Variants in SLC7A5 observed in about 807,000 individuals in gnomAD.
SLC7A5 encodes large neutral amino acids transporter small subunit 1.
SLC7A5 carries 23 observed loss-of-function variants against 50.2 expected under a neutral mutation model. The ratio of observed to expected loss-of-function variants is 0.46; its 90% CI spans 0.33 to 0.65. SLC7A5 has a LOEUF of 0.65. Among genes scored for constraint, SLC7A5 ranks in the 30% least tolerant of loss-of-function variants. SLC7A5 has a pLI of 0.02. For synonymous variants in SLC7A5, 393 were observed against 330.6 expected, an observed-to-expected ratio of 1.19 and a Z score of -2.05; for missense variants, 578 against 684.4, an observed-to-expected ratio of 0.84 and a Z score of 1.73.
At chr16:87,845,271 GC>G (rs2055137167) in intron 2 of SLC7A5, among the ~76,000 whole-genome samples, 1 of 152,246 alleles carries the variant, frequency 6.6e-6, no homozygotes, top group Non-Finnish European at 1.5e-5. Flanking sequence ...CCAGCCGAGT[GC>G]ACAGCCAATG....
At chr16:87,839,560 TC>T in intron 5 of SLC7A5, 141 bp downstream of exon 5, 1 of 1,191,050 alleles carries the variant, frequency 8.4e-7, no homozygotes, top group East Asian at 2.4e-5. Flanking sequence ...ACTCCACCCC[TC>T]CGGGTAGGGG....
At chr16:87,839,679 G>A in intron 5 of SLC7A5, 23 bp downstream of exon 5, 2 of 1,612,716 alleles carry the variant, frequency 1.2e-6, no homozygotes, top group Non-Finnish European at 1.7e-6. Flanking sequence ...GCCCCTGGTG[G>A]AAGCTGGCGG....
chr16:87,863,091 G>C (rs2055419321), intron 1 of SLC7A5, among the ~76,000 whole-genome samples: 2 of 152,234 alleles, frequency 1.3e-5, no homozygotes, highest in Non-Finnish European at 2.9e-5. Flanking sequence ...GGCTACTTCT[G>C]CTTTCAAGGC....
chr16:87,857,845 A>C (rs2055340570), intron 1 of SLC7A5, among the ~76,000 whole-genome samples: 1 of 152,212 alleles, frequency 6.6e-6, no homozygotes, highest in South Asian at 2.1e-4. Flanking sequence ...GGGCTGAGTT[A>C]CGCCCAACCA....
intron 2 of SLC7A5, among the ~76,000 whole-genome samples, chr16:87,845,492 G>A (rs956788274): frequency 7.4e-5 from 6 of 81,506 alleles, no homozygotes; most frequent in Non-Finnish European, 1.4e-4. Context: ...CAGAGTCCAC[G>A]CCCACCCCAG....
At chr16:87,835,881 T>C (rs1195204987) in intron 8 of SLC7A5, among the ~76,000 whole-genome samples, 1 of 152,192 alleles carries the variant, frequency 6.6e-6, no homozygotes, top group African/African-American at 2.4e-5. Flanking sequence ...GTGACAGCCA[T>C]AGGCCAGCTG....
At position 87,869,186 on chromosome 16, in the gene SLC7A5, T is replaced by G; in HGVS notation, c.237A>C (p.Ala79=). 1 of 1,612,418 alleles carries G rather than the reference T, an allele frequency of 6.2e-7. No homozygotes were observed. The highest frequency in any genetic ancestry group is 8.5e-7 in the Non-Finnish European group (1 of 1,179,798). Residue 79 remains alanine, a synonymous_variant, in exon 1 of 10, where the codon GCA becomes GCC. Transcript: ENST00000261622. ...FVTPTGVLKE[A]GSPGLALVVW... is the part of the protein sequence containing the mutation. ...CCACCAGCGCCAGCCCCGGCGAGCCTGCCTCCTTGAGCACGCCCGTGGGCG... is the reference window on the plus strand; with the variant it reads ...CCACCAGCGCCAGCCCCGGCGAGCCGGCCTCCTTGAGCACGCCCGTGGGCG...
chr16:87,856,910 C>T (rs747317348), intron 1 of SLC7A5, among the ~76,000 whole-genome samples: 35 of 152,246 alleles, frequency 2.3e-4, no homozygotes, highest in Non-Finnish European at 3.7e-4. Context: ...GGAGACAACA[C>T]ATCTGCACAG....
At chr16:87,851,926 C>T (rs2055230979) in intron 1 of SLC7A5, 77 bp from the exon 2 acceptor site, 1 of 1,565,326 alleles carries the variant, frequency 6.4e-7, no homozygotes, top group Non-Finnish European at 8.8e-7. Flanking sequence ...AGGTGACGAC[C>T]CCACCCCCAC....
intron 2 of SLC7A5, among the ~76,000 whole-genome samples, chr16:87,845,569 G>A (rs1412603160): frequency 7.9e-6 from 1 of 126,320 alleles, no homozygotes; most frequent in Non-Finnish European, 1.6e-5. Flanking sequence ...CTAGGCCACG[G>A]CGCCGCTTTT....
At position 87,841,012 on chromosome 16, in the gene SLC7A5, G is replaced by A. The variant is rs1156842823; in HGVS notation, c.770+38C>T. ...TTCCTGGACACGTCAGGGACTGTAT[G>A]TCCCCAGACCAAGGGACCCAGACAT... On this transcript the variant is annotated intron_variant, in intron 3 of 9. Transcript: ENST00000261622. The surrounding 1 kb of genome is among the most constrained non-coding windows in gnomAD (Gnocchi z 4.8). 2 of 1,431,656 alleles carry A rather than the reference G, an allele frequency of 1.4e-6. No homozygotes were observed. Among genetic ancestry groups the A allele is most frequent in the South Asian group, 1.1e-5 (1 of 87,420 alleles). 88.7% of individuals were successfully genotyped at this position (1,431,656 alleles called of 1,614,324 possible).
intron 2 of SLC7A5, among the ~76,000 whole-genome samples, 175 bp downstream of exon 2, chr16:87,851,549 C>T (rs536969589): frequency 3.3e-4 from 51 of 152,376 alleles, no homozygotes; most frequent in African/African-American, 1.2e-3. Flanking sequence ...TCCTGTGTCC[C>T]CCTCTGGGTC....
rs1310172205 is a variant in SLC7A5 at position 87,830,246 on chromosome 16, G to C, written c.*2724C>G. ...GACAGGGAGCAGGCATGGCACCTGC[G>C]CCACGCAGAGCAGCAAGGCTGAGCA... is the stretch of plus-strand genomic sequence containing the variant. On this transcript the variant is annotated 3_prime_UTR_variant, in exon 10 of 10. Transcript: ENST00000261622. 2 of 152,366 alleles carry C rather than the reference G, an allele frequency of 1.3e-5. No individual in the cohort carries two copies. The highest frequency in any genetic ancestry group is 1.9e-4 in the East Asian group (1 of 5,184). The allele number at this position is 152,366 out of a possible 1,614,324, so 9.4% of individuals were successfully genotyped here.
In SLC7A5 at chr16:87,854,879, C is replaced by T. The variant is rs577659171; in HGVS notation, c.539-3030G>A. ...TTGGGGGCAGTGCATTGGAGGAACC[C>T]CTGCCCTCCTCCTCCCTTCACCTGT... On this transcript the variant is annotated intron_variant, in intron 1 of 9. Coordinates refer to ENST00000261622, the MANE Select transcript of SLC7A5 (RefSeq NM_003486.7). 1.4e-3 allele frequency among the ~76,000 whole-genome samples: 206 copies of T among 152,332 alleles called. 1 individual carries two copies. Among genetic ancestry groups the T allele is most frequent in the African/African-American group, 4.8e-3 (199 of 41,580 alleles).
intron 2 of SLC7A5, among the ~76,000 whole-genome samples, chr16:87,844,308 C>T (rs1489786378): frequency 6.6e-6 from 1 of 152,228 alleles, no homozygotes; most frequent in Non-Finnish European, 1.5e-5. Context: ...GGCACAGCAG[C>T]CCTGTCAGCA....
chr16:87,863,313 G>A (rs770913143), intron 1 of SLC7A5, among the ~76,000 whole-genome samples: 3 of 152,144 alleles, frequency 2.0e-5, no homozygotes, highest in African/African-American at 4.8e-5. Context: ...TCAGTGCCGG[G>A]CCACAGTGGA....
chr16:87,842,053 C>T (rs987913811), intron 2 of SLC7A5, among the ~76,000 whole-genome samples: 1 of 152,170 alleles, frequency 6.6e-6, no homozygotes, highest in African/African-American at 2.4e-5. Flanking sequence ...GAATATATTG[C>T]CCAGACATCA....
chr16:87,858,338 G>C (rs1323697682), intron 1 of SLC7A5, among the ~76,000 whole-genome samples: 1 of 152,116 alleles, frequency 6.6e-6, no homozygotes, highest in Non-Finnish European at 1.5e-5. Context: ...GTATCTTCAG[G>C]GCACAGATGA....
At position 87,839,647 on chromosome 16, in the gene SLC7A5, C is replaced by T. The variant is rs33931904; in HGVS notation, c.939+55G>A. 2.8e-4 allele frequency: 450 copies of T among 1,609,550 alleles called. 2 individuals are homozygous for T. In the African/African-American group the frequency reaches 4.4e-3, roughly 16 times the overall value. ...GGGCACCACTCCGGTCTGGAAGGGA[C>T]GGGCTGGCCACAGCCTCTCAGGCCC... On this transcript the variant is annotated intron_variant, in intron 5 of 9. Transcript: ENST00000261622.
Sources: allele counts gnomAD v4.1 joint callset (sites outside exome capture counted in the v4.1 genomes callset), GRCh38; gene constraint gnomAD v4.1.1; non-coding constraint Gnocchi (gnomAD v3.1); transcripts MANE v1.5; gene names NCBI Gene and HGNC (gene_info 2026-07-23, HGNC 2026-07-21).